PCLO: variants seen among roughly 807,000 people sequenced by gnomAD.
PCLO encodes the protein piccolo presynaptic cytomatrix protein.
A neutral mutation model predicts 427.5 loss-of-function variants in PCLO; 82 were observed. The observed-to-expected ratio is 0.19, with a 90% CI of 0.16 to 0.23. The LOEUF is 0.23. PCLO is among the 10% of genes least tolerant of loss of function. The pLI is 1.00. For missense variants in PCLO, 6,239 were observed against 6,115.9 expected (o/e 1.02, Z -0.67); for synonymous variants, 2,357 against 2,155.4 (o/e 1.09, Z -2.59).
chr7:82,965,072 A>G (rs1795733704), intron 4 of PCLO, among the ~76,000 whole-genome samples: 1 of 152,140 alleles, frequency 6.6e-6, no homozygotes, highest in African/African-American at 2.4e-5. Flanking sequence ...ACTGCTTGTG[A>G]AAATACTGGT....
intron 3 of PCLO, among the ~76,000 whole-genome samples, chr7:82,972,502 TA>T (rs1314882323): frequency 2.6e-5 from 4 of 152,062 alleles, no homozygotes; most frequent in Admixed American, 1.3e-4. Flanking sequence ...CTTTTAGACT[TA>T]AAATGGTAAG....
At chr7:82,859,320 A>C (rs1034648974) in intron 10 of PCLO, among the ~76,000 whole-genome samples, 14 of 152,212 alleles carry the variant, frequency 9.2e-5, no homozygotes, top group African/African-American at 3.4e-4. Context: ...TGCTGACTTT[A>C]GGTCTTACCC....
chr7:82,848,053 A>G (rs989646897), intron 10 of PCLO, among the ~76,000 whole-genome samples: 1 of 152,072 alleles, frequency 6.6e-6, no homozygotes, highest in Non-Finnish European at 1.5e-5. Context: ...TTTCATAGAA[A>G]AAAGAAAAGT....
intron 3 of PCLO, among the ~76,000 whole-genome samples, chr7:83,077,405 T>C (rs1455445055): frequency 6.6e-6 from 1 of 152,064 alleles, no homozygotes; most frequent in Admixed American, 6.5e-5. Flanking sequence ...TACCACTCCT[T>C]CCCTGGTCTC....
chr7:83,036,980 G>A (rs1218224019), intron 3 of PCLO, among the ~76,000 whole-genome samples: 1 of 152,070 alleles, frequency 6.6e-6, no homozygotes, highest in African/African-American at 2.4e-5. Context: ...GATAAGAAAT[G>A]AAGAAGTTAA....
chr7:82,924,633 C>T (rs12539066), intron 6 of PCLO, among the ~76,000 whole-genome samples: 63,152 of 151,698 alleles, frequency 0.42, 14,730 homozygotes, highest in East Asian at 0.79. Flanking sequence ...TTGTCTGTTA[C>T]TCTAAGTTTA....
intron 3 of PCLO, among the ~76,000 whole-genome samples, chr7:83,001,504 A>AC (rs1787822130): frequency 9.3e-6 from 1 of 107,240 alleles, no homozygotes; most frequent in African/African-American, 4.3e-5. Flanking sequence ...ACACACATAC[A>AC]AACACACACA....
At chr7:83,157,280 T>C (rs1018180462) in intron 1 of PCLO, among the ~76,000 whole-genome samples, 4 of 152,200 alleles carry the variant, frequency 2.6e-5, no homozygotes, top group African/African-American at 9.6e-5. Flanking sequence ...AAGATCAGTG[T>C]TATCTTTTTT....
Position 83,155,567 on chromosome 7 carries a change from T to C in PCLO, c.1074A>G (p.Thr358=). The C allele has an allele frequency of 1.4e-6, 2 of 1,408,594 alleles. No homozygotes were observed. The highest frequency in any genetic ancestry group is 1.9e-6 in the Non-Finnish European group (2 of 1,034,060). The allele number at this position is 1,408,594 out of a possible 1,614,324, so 87.3% of individuals were successfully genotyped here. Reference sequence around the variant, plus strand: ...CAAGAGGCTGAGCTGGAGGCTTTGTTGTCCCTGGTGGCTGGACTGGGGGTT... The same window carrying C: ...CAAGAGGCTGAGCTGGAGGCTTTGTCGTCCCTGGTGGCTGGACTGGGGGTT... The part of the protein sequence containing the change: ...TVKPPVQPPG[T]TKPPAQPLGP... The change falls in exon 2 of 25, where the codon ACA becomes ACG. Residue 358 remains threonine (T), a synonymous_variant. Transcript: ENST00000333891.
chr7:83,051,748 G>A (rs1239628021), intron 3 of PCLO, among the ~76,000 whole-genome samples: 1 of 152,024 alleles, frequency 6.6e-6, no homozygotes, highest in Non-Finnish European at 1.5e-5. Context: ...ATAGCCATCA[G>A]AATACTGAAG....
At chr7:83,075,330 T>C (rs774267464) in intron 3 of PCLO, among the ~76,000 whole-genome samples, 4 of 152,034 alleles carry the variant, frequency 2.6e-5, no homozygotes, top group Admixed American at 6.6e-5. Context: ...CAGGCAAGAG[T>C]ATAGTTGGTC....
intron 8 of PCLO, 21 bp from the exon 9 acceptor site, chr7:82,902,762 G>A: frequency 1.5e-6 from 2 of 1,319,512 alleles, no homozygotes; most frequent in Non-Finnish European, 2.2e-6. Flanking sequence ...CATGTAGTAA[G>A]GTAAAAAACC....
intron 3 of PCLO, among the ~76,000 whole-genome samples, chr7:83,034,441 G>A (rs550318536): frequency 4.6e-5 from 7 of 152,200 alleles, no homozygotes; most frequent in South Asian, 2.1e-4. Flanking sequence ...TGCTTGCCTC[G>A]GCCCCCACAG....
intron 3 of PCLO, among the ~76,000 whole-genome samples, chr7:83,020,125 T>C (rs1340066150): frequency 6.6e-6 from 1 of 152,126 alleles, no homozygotes; most frequent in Non-Finnish European, 1.5e-5. Flanking sequence ...ACACAAAAAT[T>C]ATTAAATAAA....
chr7:83,017,889 T>C (rs1280177004), intron 3 of PCLO: 1 of 152,008 alleles, frequency 6.6e-6, no homozygotes, highest in African/African-American at 2.4e-5. Flanking sequence ...AATAAAAAAC[T>C]CTGTGATTAT....
rs1279754170 is a variant in PCLO at position 82,836,345 on chromosome 7, A to G, written c.14223-652T>C. The stretch of plus-strand genomic sequence containing the variant: ...TCCCCTTGTATCATAATATTGTCAT[A>G]AATAACATTGAAGGTCTAATAAATC... On this transcript the variant is annotated intron_variant, in intron 15 of 24. Coordinates refer to ENST00000333891, the MANE Select transcript of PCLO (RefSeq NM_033026.6). 3.9e-5 allele frequency among the ~76,000 whole-genome samples: 6 copies of G among 152,298 alleles called. No homozygotes were observed. In the East Asian group the frequency reaches 1.2e-3, roughly 29 times the overall value.
At chr7:83,052,168 GA>G (rs905440247) in intron 3 of PCLO, among the ~76,000 whole-genome samples, 11 of 151,580 alleles carry the variant, frequency 7.3e-5, no homozygotes, top group Admixed American at 3.9e-4. Flanking sequence ...ATTCATGAAA[GA>G]AAAAAATTCA....
intron 3 of PCLO, among the ~76,000 whole-genome samples, chr7:83,053,904 A>G (rs1047894002): frequency 6.6e-6 from 1 of 152,004 alleles, no homozygotes; most frequent in Non-Finnish European, 1.5e-5. Flanking sequence ...AGATGTTGAA[A>G]TGTGGAAAAA....
intron 24 of PCLO, among the ~76,000 whole-genome samples, chr7:82,760,354 C>T (rs1790404678): frequency 6.6e-6 from 1 of 151,632 alleles, no homozygotes; most frequent in Non-Finnish European, 1.5e-5. Context: ...ATTTGAATAA[C>T]AAAGATGGGG....
Sources: allele counts gnomAD v4.1 joint callset (sites outside exome capture counted in the v4.1 genomes callset), GRCh38; gene constraint gnomAD v4.1.1; transcripts MANE v1.5; gene names NCBI Gene and HGNC (gene_info 2026-07-23, HGNC 2026-07-21).